RSF1: variants seen among roughly 807,000 people sequenced by gnomAD.
The protein encoded by RSF1 is remodeling and spacing factor 1.
RSF1 carries 13 observed loss-of-function variants against 145.2 expected under a neutral mutation model. That is an observed-to-expected ratio of 0.09 (90% confidence interval 0.06 to 0.14). The LOEUF (loss-of-function observed/expected upper bound fraction) is 0.14. Among genes scored for constraint, RSF1 ranks in the 10% least tolerant of loss-of-function variants. The pLI is 1.00. For missense variants in RSF1, 1,517 were observed against 1,718.2 expected, an observed-to-expected ratio of 0.88 and a Z score of 2.07; for synonymous variants, 577 against 592.6, an observed-to-expected ratio of 0.97 and a Z score of 0.38.
At chr11:77,827,798 C>T in the RSF1 span, among the ~76,000 whole-genome samples, 1 of 152,104 alleles carries the variant, frequency 6.6e-6, no homozygotes, top group Admixed American at 6.6e-5. Flanking sequence ...AAATAAAAGG[C>T]ATCCAGATTG....
intron 1 of RSF1, among the ~76,000 whole-genome samples, chr11:77,776,558 A>G (rs1368357849): frequency 3.9e-5 from 6 of 152,188 alleles, no homozygotes; most frequent in Admixed American, 3.9e-4. Flanking sequence ...GTTTCTAGTT[A>G]TTTCAATAAA....
At chr11:77,825,091 T>C (rs1949107236), upstream of RSF1, among the ~76,000 whole-genome samples, 1 of 152,080 alleles carries the variant, frequency 6.6e-6, no homozygotes, top group Admixed American at 6.6e-5. Context: ...CGCCATTCTA[T>C]TGCCTCAGCC....
the RSF1 span, among the ~76,000 whole-genome samples, chr11:77,854,057 C>G: frequency 6.9e-6 from 1 of 145,852 alleles, no homozygotes; most frequent in Middle Eastern, 4.1e-3. Context: ...GTGGTGCCAT[C>G]TTGGCTCACT....
chr11:77,820,614 C>G lies in RSF1; in HGVS notation c.101G>C (p.Gly34Ala). The change falls in exon 1 of 16, where the codon GGG becomes GCG. Residue 34 changes from glycine to alanine, a missense_variant. This residue lies in a region of RSF1 where 85 missense variants were observed against 91.8 expected (regional missense o/e 0.93). Transcript: ENST00000308488. ...CAACTCAGGCAGGTCTAGCAGCGGC[C>G]CGTAGCGCTCCAAGAAGGAGCAGAC... is the stretch of plus-strand genomic sequence containing the variant. The part of the protein sequence containing the change: ...AVVCSFLERY[G>A]PLLDLPELPF... 6.4e-7 allele frequency: 1 copy of G among 1,567,010 alleles called. No individual in the cohort carries two copies. Among genetic ancestry groups the G allele is most frequent in the Non-Finnish European group, 8.6e-7 (1 of 1,157,630 alleles).
chr11:77,786,234 CA>C (rs1261079574), intron 1 of RSF1, among the ~76,000 whole-genome samples: 1 of 152,092 alleles, frequency 6.6e-6, no homozygotes, highest in Non-Finnish European at 1.5e-5. Context: ...TTTATCCCCA[CA>C]AATACTATGT....
At chr11:77,716,926 C>T (rs528144578) in intron 5 of RSF1, among the ~76,000 whole-genome samples, 1 of 152,148 alleles carries the variant, frequency 6.6e-6, no homozygotes, top group East Asian at 1.9e-4. Flanking sequence ...GCCTATAATC[C>T]TTGCACTTTG....
At position 77,662,203 on chromosome 11, in the gene RSF1, C is replaced by G. The variant is rs900933541; in HGVS notation, c.*4714G>C. On this transcript the variant is annotated 3_prime_UTR_variant, in exon 16 of 16. Coordinates refer to ENST00000308488, the MANE Select transcript of RSF1 (RefSeq NM_016578.4). ...TTATATAACTTATGTATAGGATAGT[C>G]ATATTTTAAAGTTATTAAAATAAAC... The G allele has an allele frequency of 6.6e-6, 1 of 151,934 alleles. No homozygotes were observed. Among genetic ancestry groups the G allele is most frequent in the East Asian group, 1.9e-4 (1 of 5,202 alleles). 9.4% of individuals were successfully genotyped at this position (151,934 alleles called of 1,614,324 possible). A position where few individuals can be genotyped will look rare whatever the true frequency, so the allele number is the denominator to read the frequency against.
intron 14 of RSF1, among the ~76,000 whole-genome samples, chr11:77,672,648 G>A (rs906456639): frequency 6.6e-6 from 1 of 151,498 alleles, no homozygotes; most frequent in South Asian, 2.1e-4. Flanking sequence ...TACTCTTAGC[G>A]GTGAATCCTC....
chr11:77,822,414 CAAAA>C (rs66463325), upstream of RSF1, among the ~76,000 whole-genome samples: 259 of 74,776 alleles, frequency 3.5e-3, 1 homozygote, highest in South Asian at 6.4e-3. Flanking sequence ...GACTCCACCT[CAAAA>C]AAAAAAAAAA....
chr11:77,719,013 T>TG (rs1451920806), intron 5 of RSF1, among the ~76,000 whole-genome samples: 1 of 151,730 alleles, frequency 6.6e-6, no homozygotes, highest in Admixed American at 6.6e-5. Flanking sequence ...TGTTGGGAGA[T>TG]GGGGGGGAGG....
chr11:77,700,976 T>C lies in RSF1; in HGVS notation c.2253A>G (p.Lys751=). Residue 751 remains lysine (K), a synonymous_variant, in exon 6 of 16, where the codon AAA becomes AAG. Coordinates refer to ENST00000308488, the MANE Select transcript of RSF1 (RefSeq NM_016578.4). ...SRKKKPDSPP[K]VLEPENKQEK... Reference sequence around the variant, plus strand: ...CTTGCTTGTTTTCTGGTTCTAGAACTTTGGGGGGAGAATCGGGCTTCTTTT... The same window carrying C: ...CTTGCTTGTTTTCTGGTTCTAGAACCTTGGGGGGAGAATCGGGCTTCTTTT... The C allele has an allele frequency of 6.2e-7, 1 of 1,613,646 alleles. No individual in the cohort carries two copies. Among genetic ancestry groups the C allele is most frequent in the Non-Finnish European group, 8.5e-7 (1 of 1,180,020 alleles).
chr11:77,671,335 G>A (rs942603321), intron 15 of RSF1, among the ~76,000 whole-genome samples: 4 of 150,130 alleles, frequency 2.7e-5, no homozygotes, highest in African/African-American at 9.8e-5. Context: ...TAATGATTTC[G>A]GTTTCCAACT....
At chr11:77,674,107 G>A (rs929476097) in intron 14 of RSF1, among the ~76,000 whole-genome samples, 3 of 152,118 alleles carry the variant, frequency 2.0e-5, no homozygotes, top group African/African-American at 7.2e-5. Context: ...GCATTGTGGT[G>A]ATGTAAGAAA....
intron 5 of RSF1, among the ~76,000 whole-genome samples, chr11:77,718,619 G>A (rs1214614944): frequency 6.6e-6 from 1 of 152,122 alleles, no homozygotes; most frequent in African/African-American, 2.4e-5. Flanking sequence ...CACAAGAGTG[G>A]GGGACTTTAA....
intron 6 of RSF1, among the ~76,000 whole-genome samples, chr11:77,699,429 T>A (rs977931185): frequency 1.3e-3 from 40 of 31,566 alleles, no homozygotes; most frequent in African/African-American, 4.6e-3. Context: ...AAGAAAACAT[T>A]AAAAATTCAG....
At chr11:77,745,889 T>A (rs138627268) in intron 3 of RSF1, among the ~76,000 whole-genome samples, 64 of 152,092 alleles carry the variant, frequency 4.2e-4, no homozygotes, top group African/African-American at 1.4e-3. Flanking sequence ...TGATCAAGCA[T>A]CCTTACTACT....
chr11:77,770,535 A>G (rs972609495), intron 1 of RSF1, among the ~76,000 whole-genome samples: 1 of 152,242 alleles, frequency 6.6e-6, no homozygotes, highest in African/African-American at 2.4e-5. Context: ...CATTGTGGAA[A>G]AAAATAAATC....
chr11:77,869,307 T>TCTC, the RSF1 span: 1,943 of 116,362 alleles, frequency 0.017, 36 homozygotes, highest in Middle Eastern at 0.042. Context: ...TATTTATCTC[T>TCTC]TTTTCTTTTT....
At chr11:77,680,317 G>A (rs1959824080) in intron 11 of RSF1, among the ~76,000 whole-genome samples, 1 of 152,128 alleles carries the variant, frequency 6.6e-6, no homozygotes, top group East Asian at 1.9e-4. Flanking sequence ...ATGTGTGCCT[G>A]TAGTCCTAGC....
Sources: gnomAD v4.1 joint callset for allele counts (sites outside exome capture counted in the v4.1 genomes callset) on GRCh38, gnomAD v4.1.1 for gene constraint, gnomAD v4.1.1 regional missense constraint, MANE v1.5 for transcripts, NCBI Gene and HGNC (gene_info 2026-07-23, HGNC 2026-07-21) for gene names.